GAS7: variants seen among roughly 807,000 people sequenced by gnomAD.
GAS7 encodes the protein growth arrest-specific protein 7.
GAS7 carries 28 observed loss-of-function variants against 71.1 expected under a neutral mutation model. The ratio of observed to expected loss-of-function variants is 0.39; its 90% confidence interval spans 0.29 to 0.54. GAS7 has a LOEUF of 0.54. Among genes scored for constraint, GAS7 ranks in the 20% least tolerant of loss-of-function variants. The pLI is 0.62. For missense variants in GAS7, 436 were observed against 627.8 expected, an observed-to-expected ratio of 0.69 and a Z score of 3.27; for synonymous variants, 258 against 245.8, an observed-to-expected ratio of 1.05 and a Z score of -0.46.
chr17:10,130,346 A>G (rs984158584), intron 1 of GAS7, among the ~76,000 whole-genome samples: 6 of 152,022 alleles, frequency 3.9e-5, no homozygotes, highest in South Asian at 4.2e-4. Flanking sequence ...AAAAAAAAAA[A>G]AACGTAGATA....
chr17:10,070,519 A>G (rs1597772361), intron 1 of GAS7, among the ~76,000 whole-genome samples: 1 of 151,650 alleles, frequency 6.6e-6, no homozygotes, highest in South Asian at 2.1e-4. Context: ...CTGCGCCACC[A>G]TGCCTCGCTA....
At chr17:10,036,573 C>G in intron 1 of GAS7, 1 of 1,535,028 alleles carries the variant, frequency 6.5e-7, no homozygotes, top group Non-Finnish European at 8.8e-7. Flanking sequence ...GGGGCTGAGG[C>G]AAGTCGCTAG....
intron 1 of GAS7, among the ~76,000 whole-genome samples, chr17:10,144,343 C>T (rs998784515): frequency 3.3e-5 from 5 of 152,090 alleles, no homozygotes; most frequent in African/African-American, 1.2e-4. Context: ...GTGTCGGGCC[C>T]GTGATATTAT....
At chr17:10,085,051 T>C (rs142625962) in intron 1 of GAS7, among the ~76,000 whole-genome samples, 5 of 152,324 alleles carry the variant, frequency 3.3e-5, no homozygotes, top group Non-Finnish European at 7.3e-5. Flanking sequence ...GCTATAAGAC[T>C]GTTCTTATTA....
intron 1 of GAS7, among the ~76,000 whole-genome samples, chr17:10,188,407 T>C (rs962377518): frequency 2.5e-4 from 38 of 152,308 alleles, no homozygotes; most frequent in South Asian, 1.0e-3. Context: ...ACGCTGATAT[T>C]TACAGCTTGC....
intron 1 of GAS7, among the ~76,000 whole-genome samples, chr17:10,084,813 C>A (rs2073499429): frequency 6.6e-6 from 1 of 152,132 alleles, no homozygotes; most frequent in Non-Finnish European, 1.5e-5. Context: ...TAAGGGGATT[C>A]TCTCTCCCCT....
chr17:9,922,042 G>C (rs571684551), intron 11 of GAS7, among the ~76,000 whole-genome samples: 1 of 151,748 alleles, frequency 6.6e-6, no homozygotes, highest in African/African-American at 2.4e-5. Context: ...CGGTTATCCT[G>C]CGCTTGCCTC....
intron 1 of GAS7, among the ~76,000 whole-genome samples, chr17:10,158,413 G>A (rs565507495): frequency 4.7e-5 from 7 of 150,140 alleles, no homozygotes; most frequent in Admixed American, 6.6e-5. Context: ...TTGGGAGGCC[G>A]AGGTAGGAGA....
At chr17:10,189,209 T>C (rs2074479727) in intron 1 of GAS7, among the ~76,000 whole-genome samples, 1 of 151,368 alleles carries the variant, frequency 6.6e-6, no homozygotes, top group Non-Finnish European at 1.5e-5. Flanking sequence ...CCCCCTGAGG[T>C]TCCCTTACTC....
chr17:10,085,879 G>A (rs888307081), intron 1 of GAS7, among the ~76,000 whole-genome samples: 1 of 152,112 alleles, frequency 6.6e-6, no homozygotes, highest in Non-Finnish European at 1.5e-5. Context: ...AGGTGGCAGA[G>A]CTCCTGAGTG....
chr17:10,023,564 T>C (rs950991845), intron 1 of GAS7, among the ~76,000 whole-genome samples: 1 of 152,124 alleles, frequency 6.6e-6, no homozygotes, highest in African/African-American at 2.4e-5. Flanking sequence ...GAATACATTA[T>C]GCTAAGTGAA....
At chr17:10,174,248 T>C (rs1008750664) in intron 1 of GAS7, among the ~76,000 whole-genome samples, 1 of 152,174 alleles carries the variant, frequency 6.6e-6, no homozygotes, top group African/African-American at 2.4e-5. Flanking sequence ...AAGGAATCTT[T>C]CTTCTCTGAT....
At chr17:10,030,933 C>T (rs771486658) in intron 1 of GAS7, among the ~76,000 whole-genome samples, 11 of 152,220 alleles carry the variant, frequency 7.2e-5, no homozygotes, top group African/African-American at 1.2e-4. Context: ...CAACTCCAGT[C>T]GCCATGGAGT....
chr17:10,117,950 A>G (rs2073874595), intron 1 of GAS7, among the ~76,000 whole-genome samples: 1 of 152,170 alleles, frequency 6.6e-6, no homozygotes, highest in Non-Finnish European at 1.5e-5. Flanking sequence ...TGGAAGGACA[A>G]ACTAGCCATT....
chr17:9,982,454 C>CTA (rs1823862384), intron 2 of GAS7, among the ~76,000 whole-genome samples: 1 of 152,174 alleles, frequency 6.6e-6, no homozygotes, highest in East Asian at 1.9e-4. Context: ...ACCTCTCTCT[C>CTA]TTCCAATGCC....
rs762910296 is a variant in GAS7, at chr17:9,934,199, G to A, written c.852C>T (p.Asp284=). ...AGAACTTGAGGTGAACTTCTGCTTC[G>A]TCCGCCAGGCTCTTCTTCACCTGGG... ...AWAQVKKSLA[D]EAEVHLKFSA... The change falls in exon 9 of 14, where the codon GAC becomes GAT. Residue 284 remains aspartate (D), a synonymous_variant. Transcript: ENST00000432992. 41 of 1,612,792 alleles carry A rather than the reference G, an allele frequency of 2.5e-5. No individual in the cohort carries two copies. Among genetic ancestry groups the A allele is most frequent in the South Asian group, 1.2e-4 (11 of 90,986 alleles).
Position 10,046,285 on chromosome 17 carries a change from G to A in GAS7, c.184-26388C>T, listed in dbSNP as rs77842206. 6.7e-4 allele frequency among the ~76,000 whole-genome samples: 102 copies of A among 152,110 alleles called. 2 individuals carry two copies. In the East Asian group the frequency reaches 0.018, roughly 27 times the overall value. On this transcript the variant is annotated intron_variant, in intron 1 of 13. Coordinates refer to ENST00000432992, the MANE Select transcript of GAS7 (RefSeq NM_201433.2). ...GGGGACTTCCCTGTAAGAAGCATCT[G>A]ACAGCTGCCCCAGGACACTGCCTAT...
intron 4 of GAS7, among the ~76,000 whole-genome samples, chr17:9,967,998 GAAGA>G (rs1459561806): frequency 2.0e-5 from 3 of 152,166 alleles, no homozygotes; most frequent in Admixed American, 6.5e-5. Flanking sequence ...TTTTATCAGG[GAAGA>G]AAGAATGATT....
rs2069858618 is a variant in GAS7 at position 9,969,386 on chromosome 17, G to A, written c.471+291C>T. On this transcript the variant is annotated intron_variant, in intron 4 of 13. Transcript: ENST00000432992. The surrounding 1 kb of genome is among the most constrained non-coding windows in gnomAD (Gnocchi z 5.5). Reference sequence around the variant, plus strand: ...AAGTGGTGAGAAACACAGGCTTCAGGTATCAGGAATCCAGACCAGAGAATG... The same window carrying A: ...AAGTGGTGAGAAACACAGGCTTCAGATATCAGGAATCCAGACCAGAGAATG... 6.6e-6 allele frequency among the ~76,000 whole-genome samples: 1 copy of A among 152,118 alleles called. No homozygotes were observed. Among genetic ancestry groups the A allele is most frequent in the African/African-American group, 2.4e-5 (1 of 41,410 alleles).
Sources: allele counts gnomAD v4.1 joint callset (sites outside exome capture counted in the v4.1 genomes callset), GRCh38; gene constraint gnomAD v4.1.1; non-coding constraint Gnocchi (gnomAD v3.1); transcripts MANE v1.5; gene names NCBI Gene and HGNC (gene_info 2026-07-23, HGNC 2026-07-21).